ACVR2B: variants seen among roughly 807,000 people sequenced by gnomAD.
ACVR2B encodes the protein activin A receptor type 2B, also known as activin receptor type-2B.
Under a neutral mutation model 65.1 loss-of-function variants are expected in ACVR2B, and 18 were observed. That is an observed-to-expected ratio of 0.28 (90% CI 0.19 to 0.41). The LOEUF is 0.41. Ranked by LOEUF, ACVR2B falls within the 10% of genes least tolerant of loss-of-function variation. The pLI, the probability that ACVR2B is intolerant of heterozygous loss-of-function variation, is 1.00. For missense variants in ACVR2B, 482 were observed against 682.7 expected, an observed-to-expected ratio of 0.71 and a Z score of 3.28; for synonymous variants, 298 against 277.7, an observed-to-expected ratio of 1.07 and a Z score of -0.73.
Position 38,454,335 on chromosome 3 carries a change from T to C in ACVR2B, c.13T>C (p.Trp5Arg). 7.7e-7 allele frequency: 1 copy of C among 1,300,546 alleles called. No individual in the cohort carries two copies. 80.6% of individuals were successfully genotyped at this position (1,300,546 alleles called of 1,614,324 possible). A position where few individuals can be genotyped will look rare whatever the true frequency, so the allele number is the denominator to read the frequency against. The change falls in exon 1 of 11, where the codon TGG becomes CGG. Residue 5 changes from tryptophan (W) to arginine (R), a missense_variant. Transcript: ENST00000352511. The part of the protein sequence containing the change: MTAP[W>R]VALALLWGSL... ...GGCGCCGCGGAACATGACGGCGCCC[T>C]GGGTGGCCCTCGCCCTCCTCTGGGG... is the stretch of plus-strand genomic sequence containing the variant.
At chr3:38,478,573 G>A (rs1262768021) in intron 5 of ACVR2B, 55 bp downstream of exon 5, 6 of 1,612,382 alleles carry the variant, frequency 3.7e-6, no homozygotes, top group Non-Finnish European at 5.1e-6. Flanking sequence ...AGCTTGAACT[G>A]GAGGCTCTCC....
At chr3:38,455,511 G>C (rs1440988288) in intron 1 of ACVR2B, among the ~76,000 whole-genome samples, 1 of 152,184 alleles carries the variant, frequency 6.6e-6, no homozygotes, top group Non-Finnish European at 1.5e-5. Context: ...TCCCCACGCT[G>C]CTGCGGGGGT....
chr3:38,455,222 G>A (rs1432414902), intron 1 of ACVR2B, among the ~76,000 whole-genome samples: 6 of 152,204 alleles, frequency 3.9e-5, no homozygotes, highest in Middle Eastern at 3.4e-3. Context: ...TACGGTCCAA[G>A]CACCGATTTC....
chr3:38,482,983 T>C (rs1267098294), intron 10 of ACVR2B, among the ~76,000 whole-genome samples, 155 bp from the exon 11 acceptor site: 1 of 152,158 alleles, frequency 6.6e-6, no homozygotes, highest in Non-Finnish European at 1.5e-5. Context: ...TTCCTGAAGT[T>C]TTCCCCAGGC....
At chr3:38,457,783 A>C (rs1416915860) in intron 1 of ACVR2B, among the ~76,000 whole-genome samples, 1 of 152,136 alleles carries the variant, frequency 6.6e-6, no homozygotes, top group East Asian at 1.9e-4. Flanking sequence ...TGACCCAAAG[A>C]AGTTTCTTGG....
rs1438715462 is a variant in ACVR2B at position 38,454,244 on chromosome 3, G to T, written c.-79G>T. The T allele has an allele frequency of 7.5e-6, 8 of 1,069,706 alleles. No individual in the cohort carries two copies. Among genetic ancestry groups the T allele is most frequent in the Admixed American group, 4.8e-5 (1 of 21,048 alleles). 66.3% of individuals were successfully genotyped at this position (1,069,706 alleles called of 1,614,324 possible). A position where few individuals can be genotyped will look rare whatever the true frequency, so the allele number is the denominator to read the frequency against. On this transcript the variant is annotated 5_prime_UTR_variant, in exon 1 of 11. Transcript: ENST00000352511. Reference sequence around the variant, plus strand: ...GAGCGGGAAGGAGAGCGCAGCCGCCGCCTGGCCCTGCGCGCCCCGGGAGCG... The same window carrying T: ...GAGCGGGAAGGAGAGCGCAGCCGCCTCCTGGCCCTGCGCGCCCCGGGAGCG...
chr3:38,467,404 T>C (rs1461589255), intron 1 of ACVR2B, among the ~76,000 whole-genome samples: 3 of 150,994 alleles, frequency 2.0e-5, no homozygotes, highest in Non-Finnish European at 4.4e-5. Context: ...GATTGCCCCA[T>C]TGCACTCCCG....
Position 38,489,707 on chromosome 3 carries a change from G to A in ACVR2B, c.*6375G>A, listed in dbSNP as rs1320772665. ...GAGAGTGTTTGGGGGAACAGAAATT[G>A]TATAGGGGTGCCTATTGGGGTGGGA... On this transcript the variant is annotated 3_prime_UTR_variant, in exon 11 of 11. Coordinates refer to ENST00000352511, the MANE Select transcript of ACVR2B (RefSeq NM_001106.4). 6.6e-6 allele frequency: 1 copy of A among 152,604 alleles called. No homozygotes were observed. Among genetic ancestry groups the A allele is most frequent in the African/African-American group, 2.4e-5 (1 of 41,444 alleles). The allele number at this position is 152,604 out of a possible 1,614,324, so 9.5% of individuals were successfully genotyped here. A position where few individuals can be genotyped will look rare whatever the true frequency, so the allele number is the denominator to read the frequency against.
rs916420143 is a variant in ACVR2B, at chr3:38,487,723, T to C, written c.*4391T>C. 3.9e-5 allele frequency: 6 copies of C among 152,364 alleles called. No homozygotes were observed. The highest frequency in any genetic ancestry group is 9.6e-5 in the African/African-American group (4 of 41,594). 9.4% of individuals were successfully genotyped at this position (152,364 alleles called of 1,614,324 possible). On this transcript the variant is annotated 3_prime_UTR_variant, in exon 11 of 11. Transcript: ENST00000352511. ...GTATAAAGTTTCCAGCATCTATTGGTAACACAAAGATTTGCTGGTTTTTAA... is the reference window on the plus strand; with the variant it reads ...GTATAAAGTTTCCAGCATCTATTGGCAACACAAAGATTTGCTGGTTTTTAA...
intron 1 of ACVR2B, among the ~76,000 whole-genome samples, chr3:38,464,347 C>A (rs542525743): frequency 2.8e-4 from 42 of 152,218 alleles, no homozygotes; most frequent in Non-Finnish European, 5.6e-4. Flanking sequence ...GGTTCCCTTG[C>A]CTTTGGGCAT....
intron 1 of ACVR2B, among the ~76,000 whole-genome samples, chr3:38,472,566 C>T (rs904921439): frequency 2.6e-5 from 4 of 152,090 alleles, no homozygotes; most frequent in African/African-American, 9.7e-5. Context: ...CACTCCTTCT[C>T]ACCACTACAG....
chr3:38,462,187 C>A (rs996331930), intron 1 of ACVR2B, among the ~76,000 whole-genome samples: 2 of 151,850 alleles, frequency 1.3e-5, no homozygotes, highest in African/African-American at 4.8e-5. Flanking sequence ...GAGCGAGACT[C>A]CATCTCAAAA....
chr3:38,462,539 A>G (rs1709666636), intron 1 of ACVR2B, among the ~76,000 whole-genome samples: 1 of 152,250 alleles, frequency 6.6e-6, no homozygotes, highest in South Asian at 2.1e-4. Context: ...AGAACCTTAC[A>G]GAATAAACTG....
chr3:38,483,545 C>T lies in ACVR2B; in HGVS notation c.*213C>T. On this transcript the variant is annotated 3_prime_UTR_variant, in exon 11 of 11. Transcript: ENST00000352511. The surrounding 1 kb of genome is among the most constrained non-coding windows in gnomAD (Gnocchi z 4.8). ...GATCAGTTTTTACCAGCATATTGCT[C>T]TACTGTATCACAAACAGCGGACACG... is the stretch of plus-strand genomic sequence containing the variant. 1 of 198,170 alleles carries T rather than the reference C, an allele frequency of 5.0e-6. No homozygotes were observed. The highest frequency in any genetic ancestry group is 9.5e-6 in the Non-Finnish European group (1 of 104,956). 12.3% of individuals were successfully genotyped at this position (198,170 alleles called of 1,614,324 possible). A position where few individuals can be genotyped will look rare whatever the true frequency, so the allele number is the denominator to read the frequency against.
chr3:38,482,608 A>C (rs1710038066), intron 10 of ACVR2B, 48 bp downstream of exon 10: 1 of 1,597,136 alleles, frequency 6.3e-7, no homozygotes, highest in Non-Finnish European at 8.5e-7. Context: ...GAGAAGGGAA[A>C]ACCCTTCATG....
At chr3:38,459,514 CAGGAGCTA>C in intron 1 of ACVR2B, 2 of 900,100 alleles carry the variant, frequency 2.2e-6, no homozygotes, top group Non-Finnish European at 2.7e-6. Flanking sequence ...CTGGGGGCCT[CAGGAGCTA>C]AGGCTAGCCC....
intron 1 of ACVR2B, among the ~76,000 whole-genome samples, chr3:38,460,766 A>G (rs1278511074): frequency 6.6e-6 from 1 of 152,218 alleles, no homozygotes; most frequent in African/African-American, 2.4e-5. Context: ...CTCCCTGGCC[A>G]GTTTCTGGGC....
In ACVR2B at chr3:38,454,327, C is replaced by T; in HGVS notation, c.5C>T (p.Thr2Met). 4 of 1,298,196 alleles carry T rather than the reference C, an allele frequency of 3.1e-6. No individual in the cohort carries two copies. The highest frequency in any genetic ancestry group is 3.9e-6 in the Non-Finnish European group (4 of 1,023,132). 80.4% of individuals were successfully genotyped at this position (1,298,196 alleles called of 1,614,324 possible). The change falls in exon 1 of 11, where the codon ACG becomes ATG. Residue 2 changes from threonine to methionine, a missense_variant. This residue lies in a region of ACVR2B where 41 missense variants were observed against 38.2 expected (regional missense o/e 1.07). Transcript: ENST00000352511. ...CGCGGGGCGGCGCCGCGGAACATGA[C>T]GGCGCCCTGGGTGGCCCTCGCCCTC... M[T>M]APWVALALLW...
At chr3:38,465,686 A>G (rs1347990893) in intron 1 of ACVR2B, among the ~76,000 whole-genome samples, 1 of 152,226 alleles carries the variant, frequency 6.6e-6, no homozygotes. Context: ...AGAGGATGAA[A>G]TGAGAAGGTC....
Sources: allele counts gnomAD v4.1 joint callset (sites outside exome capture counted in the v4.1 genomes callset), GRCh38; gene constraint gnomAD v4.1.1; regional missense constraint gnomAD v4.1.1; non-coding constraint Gnocchi (gnomAD v3.1); transcripts MANE v1.5; gene names NCBI Gene and HGNC (gene_info 2026-07-23, HGNC 2026-07-21).